Variants in MYBL1 observed in about 807,000 individuals in gnomAD.
MYBL1 encodes myb-related protein A.
MYBL1 carries 17 observed loss-of-function variants against 96.3 expected under a neutral mutation model. The ratio of observed to expected loss-of-function variants is 0.18; its 90% confidence interval spans 0.12 to 0.26. The LOEUF is 0.26. Ranked by LOEUF, MYBL1 falls within the 10% of genes least tolerant of loss-of-function variation. The pLI is 1.00. For missense variants in MYBL1, 701 were observed against 882.9 expected (o/e 0.79, Z 2.61); for synonymous variants, 282 against 292.7 (o/e 0.96, Z 0.37).
chr8:66,594,827 T>C (rs1389209087), intron 6 of MYBL1, among the ~76,000 whole-genome samples: 2 of 152,188 alleles, frequency 1.3e-5, no homozygotes, highest in Non-Finnish European at 1.5e-5. Flanking sequence ...TGAGGCATAG[T>C]AAGCACAGAT....
chr8:66,611,595 G>C (rs779849408), intron 1 of MYBL1, among the ~76,000 whole-genome samples: 3 of 152,190 alleles, frequency 2.0e-5, no homozygotes, highest in Non-Finnish European at 4.4e-5. Flanking sequence ...TCTGGTCCAA[G>C]ATGTCAATAG....
intron 8 of MYBL1, among the ~76,000 whole-genome samples, chr8:66,586,102 A>C (rs550340227): frequency 6.7e-6 from 1 of 148,298 alleles, no homozygotes; most frequent in East Asian, 2.0e-4. Context: ...CTACACTGCA[A>C]TGGTGCCATC....
At chr8:66,569,680 T>G (rs1808653864) in intron 12 of MYBL1, among the ~76,000 whole-genome samples, 1 of 152,136 alleles carries the variant, frequency 6.6e-6, no homozygotes, top group Non-Finnish European at 1.5e-5. Context: ...CTAGTATTCT[T>G]AAAAAGATCT....
chr8:66,597,782 C>A (rs1809906989), intron 4 of MYBL1, among the ~76,000 whole-genome samples: 1 of 141,074 alleles, frequency 7.1e-6, no homozygotes, highest in South Asian at 2.4e-4. Context: ...CAATTGCTTT[C>A]ACACCCTATT....
chr8:66,573,492 A>G lies in MYBL1; in HGVS notation c.1485T>C (p.Cys495=). Residue 495 remains cysteine (C), a synonymous_variant, in exon 11 of 16, where the codon TGT becomes TGC. Coordinates refer to ENST00000522677, the MANE Select transcript of MYBL1 (RefSeq NM_001080416.4). ...PFSPSQFFNT[C]PGNEQLNIEN... is the part of the protein sequence containing the mutation. ...CTATATTAAGTTGTTCATTACCAGG[A>G]CATGTGTTGAAAAACTAGAAAGGGA... The G allele has an allele frequency of 6.2e-7, 1 of 1,602,922 alleles. No homozygotes were observed. Among genetic ancestry groups the G allele is most frequent in the South Asian group, 1.1e-5 (1 of 87,802 alleles).
chr8:66,609,857 A>G (rs1810460769), intron 1 of MYBL1, among the ~76,000 whole-genome samples: 1 of 152,042 alleles, frequency 6.6e-6, no homozygotes, highest in African/African-American at 2.4e-5. Flanking sequence ...TTCCCCAAAC[A>G]ATATTGCCAG....
At position 66,577,133 on chromosome 8, in the gene MYBL1, C is replaced by T. The variant is rs944514518; in HGVS notation, c.1102-758G>A. Among the ~76,000 whole-genome samples the T allele has an allele frequency of 1.1e-3, 169 of 151,708 alleles. 2 individuals carry two copies. The highest frequency in any genetic ancestry group is 3.9e-3 in the African/African-American group (160 of 41,368). On this transcript the variant is annotated intron_variant, in intron 9 of 15. Coordinates refer to ENST00000522677, the MANE Select transcript of MYBL1 (RefSeq NM_001080416.4). ...CACAGCCAATATCATACTGAATGGG[C>T]GAAAACTGGAAGCATTCCCTTTGAA...
Position 66,599,076 on chromosome 8 carries a change from G to T in MYBL1, c.265C>A (p.Pro89Thr). 6.3e-7 allele frequency: 1 copy of T among 1,598,506 alleles called. No individual in the cohort carries two copies. The highest frequency in any genetic ancestry group is 1.1e-5 in the South Asian group (1 of 87,856). The change falls in exon 4 of 16, where the codon CCT becomes ACT. Residue 89 changes from proline (P) to threonine (T), a missense_variant. Around this residue, in one of 5 missense-constraint regions of MYBL1, gnomAD observed 37 missense variants for 135.0 expected, o/e 0.27. Coordinates refer to ENST00000522677, the MANE Select transcript of MYBL1 (RefSeq NM_001080416.4). The stretch of plus-strand genomic sequence containing the variant: ...CTCTGATCTTCTTCTTTAGTCCAAG[G>T]ACCCTTTATCAATTCAGGATTTAAA... ...KVLNPELIKGPWTKEEDQRVI... is the reference protein window; with the variant it reads ...KVLNPELIKGTWTKEEDQRVI...
rs770908008 is a variant in MYBL1 at position 66,566,796 on chromosome 8, G to A, written c.1846-8C>T. The A allele has an allele frequency of 4.4e-6, 7 of 1,598,424 alleles. No homozygotes were observed. The South Asian group carries it at 5.5e-5, about 13-fold the overall frequency. ...CTTCCCAGAAGCGGTATTCTAGAATGAGTAATTTATGTAGAAGCTTTATGG... is the reference window on the plus strand; with the variant it reads ...CTTCCCAGAAGCGGTATTCTAGAATAAGTAATTTATGTAGAAGCTTTATGG... On this transcript the variant is annotated splice_polypyrimidine_tract_variant and splice_region_variant and intron_variant, in intron 13 of 15. Transcript: ENST00000522677.
At chr8:66,603,456 A>G (rs1241502356) in intron 1 of MYBL1, among the ~76,000 whole-genome samples, 1 of 152,140 alleles carries the variant, frequency 6.6e-6, no homozygotes, top group Non-Finnish European at 1.5e-5. Flanking sequence ...TGTGAGACAC[A>G]GATGTCTTGA....
At chr8:66,588,345 T>C (rs1459913899) in intron 8 of MYBL1, among the ~76,000 whole-genome samples, 1 of 149,516 alleles carries the variant, frequency 6.7e-6, no homozygotes. Flanking sequence ...ACTAGCCCGA[T>C]CTCAGCTCAC....
chr8:66,590,674 C>T (rs1809603409), intron 8 of MYBL1, among the ~76,000 whole-genome samples: 1 of 150,534 alleles, frequency 6.6e-6, no homozygotes, highest in Non-Finnish European at 1.5e-5. Flanking sequence ...GAGAGTGAGA[C>T]TCTGTCTCAA....
At chr8:66,575,730 C>A (rs1024201935) in intron 10 of MYBL1, among the ~76,000 whole-genome samples, 1 of 152,094 alleles carries the variant, frequency 6.6e-6, no homozygotes, top group South Asian at 2.1e-4. Flanking sequence ...GTTGAGGTTG[C>A]GGTGAGCCGT....
At chr8:66,599,020 T>C (rs769767133) in intron 4 of MYBL1, 30 bp downstream of exon 4, 19 of 1,401,930 alleles carry the variant, frequency 1.4e-5, no homozygotes, top group African/African-American at 8.8e-5. Context: ...TCTACCTACA[T>C]AGTGAATATA....
chr8:66,613,024 A>ACCCCGG lies in MYBL1; in HGVS notation c.-187_-186insCCGGGG. On this transcript the variant is annotated 5_prime_UTR_variant, in exon 1 of 16. Coordinates refer to ENST00000522677, the MANE Select transcript of MYBL1 (RefSeq NM_001080416.4). ...GACAGCGGGGGCGGACCGCGACCCGACCCCGACCCCGGCCCGCAGCGCCGC... is the reference window on the plus strand; with the variant it reads ...GACAGCGGGGGCGGACCGCGACCCGACCCCGGCCCCGACCCCGGCCCGCAGCGCCGC... The ACCCCGG allele has an allele frequency of 1.8e-6, 1 of 555,412 alleles. No individual in the cohort carries two copies. Among genetic ancestry groups the ACCCCGG allele is most frequent in the Non-Finnish European group, 2.7e-6 (1 of 365,446 alleles). The allele number at this position is 555,412 out of a possible 1,614,324, so 34.4% of individuals were successfully genotyped here. A position where few individuals can be genotyped will look rare whatever the true frequency, so the allele number is the denominator to read the frequency against.
chr8:66,608,192 CCTTA>C (rs1810395306), intron 1 of MYBL1, among the ~76,000 whole-genome samples: 2 of 151,990 alleles, frequency 1.3e-5, no homozygotes, highest in South Asian at 4.1e-4. Flanking sequence ...AAATTTTGCC[CCTTA>C]CTTTTTACCC....
Position 66,592,498 on chromosome 8 carries a change from T to G in MYBL1, c.809A>C (p.Glu270Ala). The change falls in exon 8 of 16, where the codon GAA becomes GCA. Residue 270 changes from glutamate to alanine, a missense_variant. Physicochemically the swap from Glu to Ala is moderately radical, Grantham distance 107. This residue lies in a region of MYBL1 where 396 missense variants were observed against 407.4 expected (regional missense o/e 0.97). Transcript: ENST00000522677. ...EDPDKEKKIK[E>A]LEMLLMSAEN... ...AGCTGACATAAGAAGCATCTCAAGT[T>G]CCTTTATTTTCTTTTCCTTATCAGG... is the stretch of plus-strand genomic sequence containing the variant. The G allele has an allele frequency of 6.2e-7, 1 of 1,602,358 alleles. No individual in the cohort carries two copies.
At position 66,593,290 on chromosome 8, in the gene MYBL1, TA is replaced by T. The variant is rs1257529668; in HGVS notation, c.688-97del. 1.0e-5 allele frequency: 7 copies of T among 699,398 alleles called. No homozygotes were observed. In the African/African-American group the frequency reaches 1.3e-4, roughly 13 times the overall value. The allele number at this position is 699,398 out of a possible 1,614,324, so 43.3% of individuals were successfully genotyped here. A position where few individuals can be genotyped will look rare whatever the true frequency, so the allele number is the denominator to read the frequency against. ...AAAAACTTTTGACACAGTATCAATA[TA>T]AAAAACTTAGAAAGTACCTGTATTA... On this transcript the variant is annotated intron_variant, in intron 6 of 15. Coordinates refer to ENST00000522677, the MANE Select transcript of MYBL1 (RefSeq NM_001080416.4).
chr8:66,585,274 G>A (rs1809370517), intron 8 of MYBL1, among the ~76,000 whole-genome samples: 1 of 152,112 alleles, frequency 6.6e-6, no homozygotes, highest in South Asian at 2.1e-4. Flanking sequence ...GAAGAAGAGA[G>A]AGTCTCTTCA....
Sources: gnomAD v4.1 joint callset for allele counts (sites outside exome capture counted in the v4.1 genomes callset) on GRCh38, gnomAD v4.1.1 for gene constraint, gnomAD v4.1.1 regional missense constraint, MANE v1.5 for transcripts, NCBI Gene and HGNC (gene_info 2026-07-23, HGNC 2026-07-21) for gene names.